The following DENND2A variants were observed in gnomAD, a reference collection of about 807,000 sequenced individuals.
DENND2A encodes the protein DENN domain containing 2A, also known as DENN domain-containing protein 2A.
A neutral mutation model predicts 105.3 loss-of-function variants in DENND2A; 53 were observed. The observed-to-expected ratio is 0.50, with a 90% CI of 0.40 to 0.63. DENND2A has a LOEUF of 0.63. Ranked by LOEUF, DENND2A falls within the 30% of genes least tolerant of loss-of-function variation. The pLI, the probability that DENND2A is intolerant of heterozygous loss-of-function variation, is 0.00. For missense variants in DENND2A, 1,138 were observed against 1,279.6 expected (o/e 0.89, Z 1.69); for synonymous variants, 522 against 508.4 (o/e 1.03, Z -0.36).
Position 140,585,683 on chromosome 7 carries a change from T to C in DENND2A, c.1151A>G (p.Glu384Gly), listed in dbSNP as rs1429731195. ...LDPPMKENPY[E>G]DIELHGRCLG... ...GCAGCGACCATGTAACTCGATGTCC[T>C]CATAAGGGTTCTCCTTCATTGGCGG... is the stretch of plus-strand genomic sequence containing the variant. Residue 384 changes from glutamate (E) to glycine (G), a missense_variant, in exon 5 of 20, where the codon GAG becomes GGG. This residue lies in a region of DENND2A where 511 missense variants were observed against 499.9 expected (regional missense o/e 1.02). Coordinates refer to ENST00000496613, the MANE Select transcript of DENND2A (RefSeq NM_015689.5). The C allele has an allele frequency of 1.9e-6, 3 of 1,614,072 alleles. No homozygotes were observed. Among genetic ancestry groups the C allele is most frequent in the Non-Finnish European group, 2.5e-6 (3 of 1,180,026 alleles).
chr7:140,605,088 C>G (rs943456580), intron 2 of DENND2A, among the ~76,000 whole-genome samples: 6 of 152,174 alleles, frequency 3.9e-5, no homozygotes, highest in African/African-American at 1.4e-4. Context: ...ACTGGATTTA[C>G]AAAACTCACG....
intron 1 of DENND2A, among the ~76,000 whole-genome samples, chr7:140,621,331 C>G (rs1211070452): frequency 6.6e-6 from 1 of 152,118 alleles, no homozygotes; most frequent in Non-Finnish European, 1.5e-5. Flanking sequence ...CACCACCAGG[C>G]CTGGCCCTTC....
At chr7:140,575,705 C>T (rs1388292286) in intron 5 of DENND2A, among the ~76,000 whole-genome samples, 5 of 152,218 alleles carry the variant, frequency 3.3e-5, no homozygotes, top group Admixed American at 1.3e-4. Context: ...CGGTGGCTCA[C>T]GCCTATAATC....
chr7:140,595,568 A>G (rs1799249311), intron 3 of DENND2A, among the ~76,000 whole-genome samples: 1 of 152,080 alleles, frequency 6.6e-6, no homozygotes, highest in Non-Finnish European at 1.5e-5. Flanking sequence ...CAGGAGTTCA[A>G]GACCAGCCTG....
At chr7:140,639,107 T>C (rs1245298684) in intron 1 of DENND2A, among the ~76,000 whole-genome samples, 2 of 151,164 alleles carry the variant, frequency 1.3e-5, no homozygotes, top group Non-Finnish European at 1.5e-5. Context: ...ATCCCAGCAC[T>C]TTGCGAGGCC....
chr7:140,545,272 A>G (rs572379987), intron 13 of DENND2A, among the ~76,000 whole-genome samples: 5 of 152,286 alleles, frequency 3.3e-5, no homozygotes, highest in African/African-American at 1.2e-4. Context: ...TGCCACCTCA[A>G]GAAGGTGTTT....
At chr7:140,570,305 G>A (rs549790499) in intron 6 of DENND2A, among the ~76,000 whole-genome samples, 1 of 152,344 alleles carries the variant, frequency 6.6e-6, no homozygotes, top group African/African-American at 2.4e-5. Context: ...ACGAGCAGCA[G>A]AGACCCATGG....
chr7:140,535,808 C>T (rs1796435015), intron 14 of DENND2A, among the ~76,000 whole-genome samples: 1 of 152,000 alleles, frequency 6.6e-6, no homozygotes, highest in East Asian at 1.9e-4. Flanking sequence ...TCTCAAACTC[C>T]TGACTTCAGA....
chr7:140,567,131 G>C lies in DENND2A; in HGVS notation c.1734C>G (p.Ala578=). 2 of 1,609,542 alleles carry C rather than the reference G, an allele frequency of 1.2e-6. No homozygotes were observed. Among genetic ancestry groups the C allele is most frequent in the Non-Finnish European group, 1.7e-6 (2 of 1,178,096 alleles). ...TGAGTTCTGGCACGTAGGCAGCCCC[G>C]GCCTGCTTCTTGTGCAAAGACACAA... ...FVVVSLHKKQ[A]GAAYVPELTQ... Residue 578 remains alanine, a synonymous_variant, in exon 9 of 20, where the codon GCC becomes GCG. Transcript: ENST00000496613.
chr7:140,542,341 C>T (rs1027826001), intron 14 of DENND2A, among the ~76,000 whole-genome samples: 3 of 152,186 alleles, frequency 2.0e-5, no homozygotes, highest in East Asian at 3.9e-4. Flanking sequence ...CCCACTGGGA[C>T]GGGGGTGGCC....
At chr7:140,563,235 C>T (rs1040962698) in intron 9 of DENND2A, among the ~76,000 whole-genome samples, 16 of 152,142 alleles carry the variant, frequency 1.1e-4, no homozygotes, top group African/African-American at 3.9e-4. Flanking sequence ...TTGCATGCAC[C>T]CACCCCAGAT....
chr7:140,532,993 T>TTC (rs1796320708), intron 14 of DENND2A, among the ~76,000 whole-genome samples: 1 of 113,562 alleles, frequency 8.8e-6, no homozygotes, highest in South Asian at 2.5e-4. Context: ...GCTACCTGCT[T>TTC]TTTTTTTTTT....
At chr7:140,536,751 C>T (rs1052531060) in intron 14 of DENND2A, among the ~76,000 whole-genome samples, 3 of 152,162 alleles carry the variant, frequency 2.0e-5, no homozygotes, top group African/African-American at 7.2e-5. Flanking sequence ...TGCAGCCTCC[C>T]TCCTGGGTTC....
chr7:140,621,965 A>G (rs1800310146), intron 1 of DENND2A, among the ~76,000 whole-genome samples: 1 of 152,204 alleles, frequency 6.6e-6, no homozygotes, highest in South Asian at 2.1e-4. Context: ...CATAAGGAGG[A>G]GACGCCCAAA....
rs1415917161 is a variant in DENND2A, at chr7:140,591,665, TTCTTTC to T, written c.996-3891_996-3886del. ...TCCCTCCCTTCCTTCCTTTCTTTCT[TTCTTTC>T]TCTTTCTTTCTTTCTTTCTTTCCTT... is the stretch of plus-strand genomic sequence containing the variant. On this transcript the variant is annotated intron_variant, in intron 3 of 19. Transcript: ENST00000496613. 6.1e-3 allele frequency among the ~76,000 whole-genome samples: 905 copies of T among 147,536 alleles called. 12 individuals are homozygous for T. Among genetic ancestry groups the T allele is most frequent in the African/African-American group, 0.023 (871 of 37,970 alleles).
At chr7:140,636,362 C>A (rs192859431) in intron 1 of DENND2A, among the ~76,000 whole-genome samples, 1 of 152,270 alleles carries the variant, frequency 6.6e-6, no homozygotes, top group African/African-American at 2.4e-5. Context: ...AGGTGACTGC[C>A]AGAAGGAACA....
intron 1 of DENND2A, among the ~76,000 whole-genome samples, chr7:140,608,281 T>A (rs1799764301): frequency 6.6e-6 from 1 of 152,222 alleles, no homozygotes; most frequent in African/African-American, 2.4e-5. Flanking sequence ...AGAACCCCCC[T>A]GAACACTCAG....
chr7:140,613,763 A>G (rs1799990255), intron 1 of DENND2A, among the ~76,000 whole-genome samples: 1 of 152,212 alleles, frequency 6.6e-6, no homozygotes, highest in Admixed American at 6.5e-5. Context: ...AAGGAAAATA[A>G]CAGCTTAGGA....
At chr7:140,612,263 A>G (rs1799927800) in intron 1 of DENND2A, among the ~76,000 whole-genome samples, 1 of 151,892 alleles carries the variant, frequency 6.6e-6, no homozygotes, top group African/African-American at 2.4e-5. Context: ...GAAAAAAAAA[A>G]AAGATGGTGA....
Sources: gnomAD v4.1 joint callset for allele counts (sites outside exome capture counted in the v4.1 genomes callset) on GRCh38, gnomAD v4.1.1 for gene constraint, gnomAD v4.1.1 regional missense constraint, MANE v1.5 for transcripts, NCBI Gene and HGNC (gene_info 2026-07-23, HGNC 2026-07-21) for gene names.